Variants in RAB10 observed in about 807,000 individuals in gnomAD.
RAB10 encodes the protein ras-related protein Rab-10.
A neutral mutation model predicts 25.7 loss-of-function variants in RAB10; 5 were observed. The observed-to-expected ratio is 0.19, with a 90% CI of 0.10 to 0.41. The LOEUF (loss-of-function observed/expected upper bound fraction) is 0.41. RAB10 is among the 10% of genes least tolerant of loss of function. RAB10 has a pLI of 1.00. For missense variants in RAB10, 103 were observed against 245.8 expected, an observed-to-expected ratio of 0.42 and a Z score of 3.89; for synonymous variants, 89 against 86.4, an observed-to-expected ratio of 1.03 and a Z score of -0.16.
chr2:26,048,655 T>C (rs1393349987), intron 1 of RAB10, among the ~76,000 whole-genome samples: 1 of 151,906 alleles, frequency 6.6e-6, no homozygotes, highest in Non-Finnish European at 1.5e-5. Context: ...TTGGGAGGCC[T>C]AGGTGGGTGA....
intron 1 of RAB10, among the ~76,000 whole-genome samples, chr2:26,091,357 G>A (rs1667102489): frequency 6.6e-6 from 1 of 152,144 alleles, no homozygotes; most frequent in Non-Finnish European, 1.5e-5. Flanking sequence ...GGGTAGCTAG[G>A]GGAAAGAGCC....
chr2:26,034,177 T>A lies in RAB10; in HGVS notation c.-432T>A. 1 of 417,482 alleles carries A rather than the reference T, an allele frequency of 2.4e-6. No individual in the cohort carries two copies. Among genetic ancestry groups the A allele is most frequent in the Non-Finnish European group, 4.2e-6 (1 of 235,976 alleles). 25.9% of individuals were successfully genotyped at this position (417,482 alleles called of 1,614,324 possible). On this transcript the variant is annotated 5_prime_UTR_variant, in exon 1 of 6. Transcript: ENST00000264710. ...GTTTCCTGGGGCTATGTAACTGAGC[T>A]CGTCGACTTAGGGGTCCTTCTTCGC...
chr2:26,095,335 C>T (rs1467712786), intron 1 of RAB10, among the ~76,000 whole-genome samples: 1 of 152,162 alleles, frequency 6.6e-6, no homozygotes, highest in African/African-American at 2.4e-5. Context: ...AGGCCGGGCG[C>T]GGTGGCTCAT....
chr2:26,109,710 T>C, intron 2 of RAB10, 58 bp from the exon 3 acceptor site: 1 of 1,440,736 alleles, frequency 6.9e-7, no homozygotes, highest in East Asian at 2.6e-5. Flanking sequence ...TTTTGTCCTT[T>C]ATGTGAAATG....
At chr2:26,077,469 C>T (rs1458119040) in intron 1 of RAB10, among the ~76,000 whole-genome samples, 4 of 152,144 alleles carry the variant, frequency 2.6e-5, no homozygotes, top group East Asian at 1.9e-4. Flanking sequence ...TAAAATAATG[C>T]GTAACAAACA....
At chr2:26,089,096 T>C (rs1667049486) in intron 1 of RAB10, among the ~76,000 whole-genome samples, 1 of 152,004 alleles carries the variant, frequency 6.6e-6, no homozygotes, top group Non-Finnish European at 1.5e-5. Context: ...AGAGGTGGCT[T>C]GGGGCCATGC....
At chr2:26,122,408 C>T (rs1210190531) in intron 3 of RAB10, among the ~76,000 whole-genome samples, 1 of 152,128 alleles carries the variant, frequency 6.6e-6, no homozygotes. Context: ...GCGGGCAGAT[C>T]ACGAGGTCAG....
chr2:26,067,080 CTATTTTTTG>C (rs1465074851), intron 1 of RAB10, among the ~76,000 whole-genome samples: 3 of 152,110 alleles, frequency 2.0e-5, no homozygotes, highest in South Asian at 2.1e-4. Context: ...CCATGCCGCT[CTATTTTTTG>C]TATTTTTTGT....
At chr2:26,042,686 G>A (rs1242353332) in intron 1 of RAB10, 5 of 151,938 alleles carry the variant, frequency 3.3e-5, no homozygotes, top group South Asian at 2.1e-4. Context: ...TGCTTGTCTC[G>A]GTAGCATATA....
intron 1 of RAB10, among the ~76,000 whole-genome samples, chr2:26,085,114 A>G (rs1402901491): frequency 6.6e-6 from 1 of 152,194 alleles, no homozygotes; most frequent in Non-Finnish European, 1.5e-5. Context: ...GAGTGGAGCT[A>G]CAGCATGTGG....
intron 1 of RAB10, among the ~76,000 whole-genome samples, chr2:26,096,135 C>T (rs1045349194): frequency 2.0e-5 from 3 of 152,160 alleles, no homozygotes; most frequent in African/African-American, 2.4e-5. Flanking sequence ...TGGGACTGCT[C>T]TATTGCTGGG....
At chr2:26,116,559 T>G (rs1016423269) in intron 3 of RAB10, among the ~76,000 whole-genome samples, 16 of 132,794 alleles carry the variant, frequency 1.2e-4, no homozygotes, top group African/African-American at 4.2e-4. Flanking sequence ...TTTTTTTTTT[T>G]TTTTTTTTTT....
At chr2:26,117,867 T>C (rs1342074297) in intron 3 of RAB10, among the ~76,000 whole-genome samples, 1 of 152,184 alleles carries the variant, frequency 6.6e-6, no homozygotes, top group Non-Finnish European at 1.5e-5. Flanking sequence ...CTACCTTGGC[T>C]ATAGAGATAT....
chr2:26,127,818 A>C (rs1372322637), intron 4 of RAB10, 32 bp from the exon 5 acceptor site: 10 of 1,505,584 alleles, frequency 6.6e-6, no homozygotes, highest in Non-Finnish European at 8.3e-6. Flanking sequence ...CATGCTTGAT[A>C]ATTTTATGAT....
intron 2 of RAB10, among the ~76,000 whole-genome samples, chr2:26,108,544 A>G (rs913924735): frequency 1.3e-5 from 2 of 152,132 alleles, no homozygotes; most frequent in African/African-American, 4.8e-5. Flanking sequence ...GTCTTGTGGT[A>G]GTTACACAAA....
intron 3 of RAB10, among the ~76,000 whole-genome samples, chr2:26,124,382 G>C (rs377058887): frequency 2.6e-5 from 1 of 38,264 alleles, no homozygotes; most frequent in Non-Finnish European, 5.3e-5. Flanking sequence ...TCTTATTGTT[G>C]TTGTTGCTTT....
At chr2:26,117,448 C>T (rs1032732188) in intron 3 of RAB10, among the ~76,000 whole-genome samples, 1 of 151,862 alleles carries the variant, frequency 6.6e-6, no homozygotes, top group Non-Finnish European at 1.5e-5. Context: ...CCCGTCTCTA[C>T]TAAAATAAGA....
intron 1 of RAB10, among the ~76,000 whole-genome samples, chr2:26,087,882 C>T (rs1667021225): frequency 6.6e-6 from 1 of 152,166 alleles, no homozygotes; most frequent in Admixed American, 6.5e-5. Flanking sequence ...TTAGAGGAAA[C>T]TTTCACATTC....
chr2:26,096,430 CTGGATGGA>C (rs10522075), intron 1 of RAB10, among the ~76,000 whole-genome samples: 115,280 of 150,390 alleles, frequency 0.77, 44,168 homozygotes, highest in East Asian at 0.87. Context: ...GGCTGGCTGG[CTGGATGGA>C]TGGATGGATG....
Sources: allele counts gnomAD v4.1 joint callset (sites outside exome capture counted in the v4.1 genomes callset), GRCh38; gene constraint gnomAD v4.1.1; transcripts MANE v1.5; gene names NCBI Gene and HGNC (gene_info 2026-07-23, HGNC 2026-07-21).